The following IL3RA variants were observed in gnomAD, a reference collection of about 807,000 sequenced individuals.
IL3RA encodes interleukin-3 receptor subunit alpha.
A neutral mutation model predicts 52.3 loss-of-function variants in IL3RA; 73 were observed. The ratio of observed to expected loss-of-function variants is 1.40; its 90% CI spans 1.16 to 1.70. The LOEUF is 1.70. Ranked by LOEUF, IL3RA falls within the 40% of genes most tolerant of loss-of-function variation. The probability of loss-of-function intolerance (pLI) is 0.00; values close to 1 mark genes in which losing one functional copy is unlikely to be tolerated. For synonymous variants in IL3RA, 260 were observed against 194.0 expected (o/e 1.34, Z -2.83); for missense variants, 664 against 504.4 (o/e 1.32, Z -3.03).
intron 10 of IL3RA, among the ~76,000 whole-genome samples, chrX:1,379,806 C>G (rs186027685): frequency 6.6e-6 from 1 of 152,322 alleles, no homozygotes; most frequent in Admixed American, 6.5e-5. Flanking sequence ...GTTGCCCAGC[C>G]TGGAGTGCAA....
chrX:1,353,496 A>ACCC, intron 6 of IL3RA, among the ~76,000 whole-genome samples: 1 of 144,916 alleles, frequency 6.9e-6, no homozygotes, highest in Non-Finnish European at 1.5e-5. Flanking sequence ...GAGTCATGGG[A>ACCC]CCCCCCATCA....
intron 3 of IL3RA, among the ~76,000 whole-genome samples, chrX:1,347,242 G>T (rs751651324): frequency 6.6e-6 from 1 of 150,566 alleles, no homozygotes; most frequent in Admixed American, 6.6e-5. Flanking sequence ...TCAGGAGATC[G>T]AGACCCTCCT....
intron 11 of IL3RA, among the ~76,000 whole-genome samples, chrX:1,381,883 G>T (rs1165090429): frequency 6.6e-6 from 1 of 151,864 alleles, no homozygotes; most frequent in Non-Finnish European, 1.5e-5. Context: ...GTCCCTAAGA[G>T]AAAGGAAGGG....
At chrX:1,340,240 C>T (rs188644126) in intron 1 of IL3RA, among the ~76,000 whole-genome samples, 9 of 151,944 alleles carry the variant, frequency 5.9e-5, no homozygotes, top group African/African-American at 1.9e-4. Context: ...CTCAGCCTCC[C>T]GAGTAGCTGG....
chrX:1,367,940 G>C (rs6645269), intron 9 of IL3RA, among the ~76,000 whole-genome samples: 10,358 of 152,000 alleles, frequency 0.068, 563 homozygotes, highest in East Asian at 0.15. Flanking sequence ...TGAACTCACA[G>C]CTTGCTCTTA....
chrX:1,366,120 G>A (rs1603448291), intron 9 of IL3RA, among the ~76,000 whole-genome samples: 1 of 37,596 alleles, frequency 2.7e-5, no homozygotes, highest in Non-Finnish European at 4.4e-5. Context: ...CGGGTGCGCG[G>A]GGTGCGCGGG....
chrX:1,365,451 G>C (rs2087904075), intron 9 of IL3RA, among the ~76,000 whole-genome samples, 199 bp downstream of exon 9: 1 of 63,382 alleles, frequency 1.6e-5, no homozygotes, highest in Non-Finnish European at 2.7e-5. Context: ...GGTGAGCGGG[G>C]TGAGCGGGGT....
At chrX:1,360,016 T>C (rs1258869900) in intron 8 of IL3RA, among the ~76,000 whole-genome samples, 3 of 140,830 alleles carry the variant, frequency 2.1e-5, no homozygotes, top group African/African-American at 7.7e-5. Context: ...CCGGTCTCTA[T>C]CTTCCCTTCT....
chrX:1,347,580 C>G lies in IL3RA; in HGVS notation c.184-851C>G, dbSNP rs1455145977. ...GTTGCAGTGAGCTGAGATCGCACCA[C>G]TGAAGTCTAGCCTGGGCAAGCGGAG... On this transcript the variant is annotated intron_variant, in intron 3 of 11. Coordinates refer to ENST00000331035, the MANE Select transcript of IL3RA (RefSeq NM_002183.4). Among the ~76,000 whole-genome samples the G allele has an allele frequency of 2.6e-5, 4 of 151,572 alleles. 1 individual carries two copies. The highest frequency in any genetic ancestry group is 4.9e-5 in the African/African-American group (2 of 41,188).
At chrX:1,362,218 G>C (rs2087477283) in intron 8 of IL3RA, among the ~76,000 whole-genome samples, 2 of 149,876 alleles carry the variant, frequency 1.3e-5, no homozygotes, top group South Asian at 2.1e-4. Context: ...CTCTCTCTCT[G>C]TCCATCACCC....
chrX:1,347,113 G>A (rs183162649), intron 3 of IL3RA, among the ~76,000 whole-genome samples: 31 of 151,496 alleles, frequency 2.0e-4, no homozygotes, highest in Middle Eastern at 3.4e-3. Flanking sequence ...ATATCAAAAG[G>A]CACTGAAAAG....
chrX:1,343,745 G>A (rs1223506146), intron 2 of IL3RA, among the ~76,000 whole-genome samples: 4 of 148,712 alleles, frequency 2.7e-5, no homozygotes, highest in Non-Finnish European at 5.9e-5. Context: ...GCTCTGTGAT[G>A]GCTAAGAGAG....
At chrX:1,344,083 C>A (rs189568278) in intron 2 of IL3RA, among the ~76,000 whole-genome samples, 1 of 152,024 alleles carries the variant, frequency 6.6e-6, no homozygotes, top group East Asian at 1.9e-4. Flanking sequence ...CGTGAGCCAC[C>A]ACGCCCGTTT....
intron 8 of IL3RA, among the ~76,000 whole-genome samples, chrX:1,360,361 T>C (rs1603446562): frequency 6.9e-6 from 1 of 144,856 alleles, no homozygotes; most frequent in Middle Eastern, 3.5e-3. Flanking sequence ...TCTTTATCTC[T>C]CTCTCTCTCT....
At position 1,341,843 on chromosome X, in the gene IL3RA, A is replaced by G; in HGVS notation, c.64+14A>G. On this transcript the variant is annotated intron_variant, in intron 2 of 11. Coordinates refer to ENST00000331035, the MANE Select transcript of IL3RA (RefSeq NM_002183.4). ...AAACGAAGGAAGGTAAGAACTGGAG[A>G]AAAAATGCACGTGCCACCTGGGGAG... is the stretch of plus-strand genomic sequence containing the variant. 6.2e-7 allele frequency: 1 copy of G among 1,613,744 alleles called. No homozygotes were observed. Among genetic ancestry groups the G allele is most frequent in the Middle Eastern group, 1.7e-4 (1 of 6,056 alleles).
At chrX:1,338,321 T>C (rs2085378754) in intron 1 of IL3RA, among the ~76,000 whole-genome samples, 2 of 151,320 alleles carry the variant, frequency 1.3e-5, no homozygotes, top group Non-Finnish European at 2.9e-5. Flanking sequence ...ACAAGCAGCT[T>C]TATTCACAAT....
At chrX:1,339,565 G>A (rs1215606105) in intron 1 of IL3RA, among the ~76,000 whole-genome samples, 16 of 152,142 alleles carry the variant, frequency 1.1e-4, no homozygotes, top group African/African-American at 1.9e-4. Context: ...AGGCCAAGGC[G>A]GGTGGATCAT....
At chrX:1,344,113 C>T (rs191910322) in intron 2 of IL3RA, among the ~76,000 whole-genome samples, 5 of 152,138 alleles carry the variant, frequency 3.3e-5, no homozygotes, top group African/African-American at 1.2e-4. Flanking sequence ...CTTCTACCAG[C>T]TCACAGAAGT....
chrX:1,355,484 G>A (rs2086637651), intron 6 of IL3RA, among the ~76,000 whole-genome samples: 1 of 148,030 alleles, frequency 6.8e-6, no homozygotes, highest in Non-Finnish European at 1.5e-5. Context: ...AGGAGGAGGG[G>A]GCCAGGGCTG....
Sources: allele counts gnomAD v4.1 joint callset (sites outside exome capture counted in the v4.1 genomes callset), GRCh38; gene constraint gnomAD v4.1.1; transcripts MANE v1.5; gene names NCBI Gene and HGNC (gene_info 2026-07-23, HGNC 2026-07-21).